Variants in CYREN observed in about 807,000 individuals in gnomAD.
CYREN encodes the protein cell cycle regulator of NHEJ.
CYREN carries 7 observed loss-of-function variants against 9.7 expected under a neutral mutation model. The ratio of observed to expected loss-of-function variants is 0.72; its 90% CI spans 0.41 to 1.36. The LOEUF (loss-of-function observed/expected upper bound fraction) is 1.36. Among genes scored for constraint, CYREN ranks in the 40% most tolerant of loss-of-function variants. CYREN has a pLI of 0.01. For missense variants in CYREN, 215 were observed against 198.1 expected (o/e 1.09, Z -0.51); for synonymous variants, 76 against 77.9 (o/e 0.98, Z 0.13).
chr7:135,094,495 A>G (rs1034896406), exon 3 of CYREN: 6 of 456,572 alleles, frequency 1.3e-5, no homozygotes, highest in African/African-American at 4.0e-5. Context: ...TGGTGGCCAT[A>G]GTCTTGTCTG....
chr7:135,168,134 T>A, intron 2 of CYREN: 1 of 345,378 alleles, frequency 2.9e-6, no homozygotes, highest in Non-Finnish European at 5.5e-6. Context: ...GAGGCTGTAC[T>A]GAGAGGAACC....
rs145008764 is a variant in CYREN, at chr7:135,168,828, G to C, written c.95C>G (p.Pro32Arg). ...ATKNVAPMKA[P>R]KRMRMAAVPV... ...CACTGCTGCCATTCTCATCCTCTTG[G>C]GGGCCTTCATTGGTGCCACATTCTT... is the stretch of plus-strand genomic sequence containing the variant. Residue 32 changes from proline (P) to arginine (R), a missense_variant, in exon 2 of 4, where the codon CCC (proline) becomes CGC (arginine). By Grantham distance (103) the Pro-to-Arg change is moderately radical. Coordinates refer to ENST00000393114, the MANE Select transcript of CYREN (RefSeq NM_024033.4). 14 of 1,614,046 alleles carry C rather than the reference G, an allele frequency of 8.7e-6. No homozygotes were observed. The highest frequency in any genetic ancestry group is 1.6e-4 in the Middle Eastern group (1 of 6,062).
Position 135,150,463 on chromosome 7 carries a change from C to T in CYREN, n.356+18286G>A, listed in dbSNP as rs544738893. 1.6e-3 allele frequency among the ~76,000 whole-genome samples: 250 copies of T among 152,342 alleles called. 2 individuals are homozygous for T. The highest frequency in any genetic ancestry group is 5.9e-3 in the African/African-American group (247 of 41,582). On this transcript the variant is annotated intron_variant and non_coding_transcript_variant, in intron 2 of 2. Coordinates refer to the CYREN transcript ENST00000459937. ...GGCACCTGGTTTGTCCTGTGTGGCA[C>T]TGATTCCCCAGGGCCTCTGATTCAG...
At chr7:135,167,398 C>T (rs1735122628) in intron 3 of CYREN, 1 of 1,147,784 alleles carries the variant, frequency 8.7e-7, no homozygotes, top group Admixed American at 4.4e-5. Context: ...GTCATCTACC[C>T]AACTGGGAAC....
At chr7:135,158,554 G>C (rs1375520367) in intron 2 of CYREN, among the ~76,000 whole-genome samples, 1 of 152,170 alleles carries the variant, frequency 6.6e-6, no homozygotes, top group African/African-American at 2.4e-5. Context: ...AGGATGGCCT[G>C]ATTTCCCTAT....
At chr7:135,131,913 AT>A (rs1828832030) in intron 2 of CYREN, among the ~76,000 whole-genome samples, 2 of 152,144 alleles carry the variant, frequency 1.3e-5, no homozygotes. Flanking sequence ...CTACACACAA[AT>A]TTGACAACTT....
At chr7:135,128,482 G>A in intron 2 of CYREN, 1 of 753,160 alleles carries the variant, frequency 1.3e-6, no homozygotes. Flanking sequence ...TGAATTGCTG[G>A]CCCCAGTGAG....
At chr7:135,138,061 G>A (rs913463212) in intron 2 of CYREN, among the ~76,000 whole-genome samples, 1 of 151,974 alleles carries the variant, frequency 6.6e-6, no homozygotes, top group Non-Finnish European at 1.5e-5. Context: ...AACAACCGCT[G>A]ACTACAGTTC....
chr7:135,148,099 G>C (rs980589592), intron 2 of CYREN: 2 of 456,004 alleles, frequency 4.4e-6, no homozygotes, highest in Non-Finnish European at 8.8e-6. Context: ...GCACGACTGC[G>C]AAGGCAAGGG....
intron 2 of CYREN, among the ~76,000 whole-genome samples, chr7:135,109,195 A>G (rs1311588638): frequency 1.3e-5 from 2 of 152,162 alleles, no homozygotes; most frequent in Admixed American, 6.5e-5. Context: ...ATTTCAACCA[A>G]CTCAGGTTAA....
chr7:135,132,517 T>G (rs1350445758), intron 2 of CYREN, among the ~76,000 whole-genome samples: 1 of 152,208 alleles, frequency 6.6e-6, no homozygotes, highest in African/African-American at 2.4e-5. Context: ...GGGATCTTAC[T>G]CAATAAAGTC....
chr7:135,166,665 C>T lies in CYREN; in HGVS notation c.420G>A (p.Glu140=), dbSNP rs1432441563. Residue 140 remains glutamate (E), a synonymous_variant, in exon 4 of 4, where the codon GAG becomes GAA. Transcript: ENST00000393114. ...TCAGCACATCCTCTTCCTCCTCCTC[C>T]TCAGGGCTCCTGCTACAGGCAGAGC... ...GSSSACSRSP[E]EEEEEDVLKY... 12 of 1,609,424 alleles carry T rather than the reference C, an allele frequency of 7.5e-6. No individual in the cohort carries two copies. The highest frequency in any genetic ancestry group is 1.3e-5 in the African/African-American group (1 of 74,930).
At chr7:135,108,467 C>T (rs935505465) in intron 2 of CYREN, among the ~76,000 whole-genome samples, 2 of 152,146 alleles carry the variant, frequency 1.3e-5, no homozygotes, top group African/African-American at 4.8e-5. Flanking sequence ...ACTGAGGAAG[C>T]TTAGTTTGAC....
rs1830141468 is a variant in CYREN at position 135,166,469 on chromosome 7, G to A, written c.*142C>T. The A allele has an allele frequency of 7.3e-7, 1 of 1,366,984 alleles. No homozygotes were observed. Among genetic ancestry groups the A allele is most frequent in the African/African-American group, 1.4e-5 (1 of 69,154 alleles). 84.7% of individuals were successfully genotyped at this position (1,366,984 alleles called of 1,614,324 possible). ...AGTGTCCAGGGGCTTCTGGCCTGAG[G>A]TGAATCTGCCAGGCCCAAGAAGGCA... is the stretch of plus-strand genomic sequence containing the variant. On this transcript the variant is annotated 3_prime_UTR_variant, in exon 4 of 4. Coordinates refer to ENST00000393114, the MANE Select transcript of CYREN (RefSeq NM_024033.4).
rs113122090 is a variant in CYREN at position 135,167,062 on chromosome 7, C to T, written c.214-191G>A. 4,608 of 985,250 alleles carry T rather than the reference C, an allele frequency of 4.7e-3. 166 individuals carry two copies. In the African/African-American group the frequency reaches 0.072, roughly 15 times the overall value. The allele number at this position is 985,250 out of a possible 1,614,324, so 61.0% of individuals were successfully genotyped here. ...TTCCCCTGACCCCCTCTTCACAGCT[C>T]TTGAAGAAACCAGAACCCACTCGGG... On this transcript the variant is annotated intron_variant, in intron 3 of 3. Coordinates refer to ENST00000393114, the MANE Select transcript of CYREN (RefSeq NM_024033.4).
intron 2 of CYREN, chr7:135,129,452 G>T: frequency 1.3e-6 from 1 of 779,714 alleles, no homozygotes; most frequent in Non-Finnish European, 2.4e-6. Flanking sequence ...AAAGTAAGGA[G>T]TGGCTAGAGA....
chr7:135,151,983 C>T lies in CYREN; in HGVS notation n.356+16766G>A, dbSNP rs541677868. 6.6e-6 allele frequency among the ~76,000 whole-genome samples: 1 copy of T among 152,316 alleles called. No individual in the cohort carries two copies. The highest frequency in any genetic ancestry group is 1.9e-4 in the East Asian group (1 of 5,186). ...CACTATTTGTCTTCCTAGAATCTCA[C>T]CACTGTCAGGCTGGTAGCCTGGGCT... On this transcript the variant is annotated intron_variant and non_coding_transcript_variant, in intron 2 of 2. Coordinates refer to the CYREN transcript ENST00000459937. The surrounding 1 kb of genome is among the most constrained non-coding windows in gnomAD (Gnocchi z 4.3).
chr7:135,170,086 C>T (rs971676666), intron 1 of CYREN, among the ~76,000 whole-genome samples: 9 of 152,258 alleles, frequency 5.9e-5, no homozygotes, highest in Non-Finnish European at 1.5e-5. Flanking sequence ...GTACATTTCG[C>T]AAACGAGGAA....
In CYREN at chr7:135,105,830, A is replaced by G. The variant is rs190655059; in HGVS notation, n.357-11248T>C. Among the ~76,000 whole-genome samples, 130 of 152,342 alleles carry G rather than the reference A, an allele frequency of 8.5e-4. 2 individuals are homozygous for G. In the East Asian group the frequency reaches 0.011, roughly 13 times the overall value. ...ATTGAATCTGTAAATTGCTTTGGAC[A>G]ATATGACCATTTTAATGACATTGAT... is the stretch of plus-strand genomic sequence containing the variant. On this transcript the variant is annotated intron_variant and non_coding_transcript_variant, in intron 2 of 2. Coordinates refer to the CYREN transcript ENST00000459937.
Sources: gnomAD v4.1 joint callset for allele counts (sites outside exome capture counted in the v4.1 genomes callset) on GRCh38, gnomAD v4.1.1 for gene constraint, Gnocchi (gnomAD v3.1) non-coding constraint, MANE v1.5 for transcripts, NCBI Gene and HGNC (gene_info 2026-07-23, HGNC 2026-07-21) for gene names.